RBFOX1: variants seen among roughly 807,000 people sequenced by gnomAD.
The protein encoded by RBFOX1 is RNA binding fox-1 homolog 1.
RBFOX1 carries 8 observed loss-of-function variants against 57.7 expected under a neutral mutation model. That is an observed-to-expected ratio of 0.14 (90% CI 0.08 to 0.25). RBFOX1 has a LOEUF of 0.25. Among genes scored for constraint, RBFOX1 ranks in the 10% least tolerant of loss-of-function variants. The pLI is 1.00. For missense variants in RBFOX1, 611 were observed against 548.5 expected (o/e 1.11, Z -1.14); for synonymous variants, 326 against 222.4 (o/e 1.47, Z -4.15).
chr16:5,553,660 T>C (rs1206927286), intron 2 of RBFOX1, among the ~76,000 whole-genome samples: 1 of 151,798 alleles, frequency 6.6e-6, no homozygotes, highest in Non-Finnish European at 1.5e-5. Context: ...AACCATCAGA[T>C]AGAATGTTCT....
At chr16:5,757,970 A>C (rs1187914480) in intron 3 of RBFOX1, among the ~76,000 whole-genome samples, 3 of 152,150 alleles carry the variant, frequency 2.0e-5, no homozygotes, top group Non-Finnish European at 4.4e-5. Flanking sequence ...GAAGTTCTGT[A>C]CTGGTCAGCC....
intron 1 of RBFOX1, among the ~76,000 whole-genome samples, chr16:6,070,369 T>A (rs953301963): frequency 2.0e-4 from 30 of 152,348 alleles, no homozygotes; most frequent in African/African-American, 7.2e-4. Context: ...GTGCCTGCAT[T>A]ATTTCATACA....
intron 3 of RBFOX1, among the ~76,000 whole-genome samples, chr16:6,829,059 G>C (rs1410888792): frequency 2.0e-5 from 3 of 152,084 alleles, no homozygotes; most frequent in East Asian, 1.9e-4. Context: ...CTGGACACCT[G>C]CCGGGATCAG....
chr16:7,710,216 C>T (rs1377656853), intron 15 of RBFOX1: 3 of 1,038,954 alleles, frequency 2.9e-6, no homozygotes, highest in African/African-American at 3.4e-5. Context: ...CATCCCAATT[C>T]TGCATTCAAC....
At chr16:5,878,364 A>G (rs945030106) in intron 4 of RBFOX1, among the ~76,000 whole-genome samples, 1 of 152,140 alleles carries the variant, frequency 6.6e-6, no homozygotes, top group Admixed American at 6.5e-5. Flanking sequence ...AACTTAGGAG[A>G]ATGAGTATTA....
chr16:7,496,098 T>A (rs2068553103), intron 4 of RBFOX1, among the ~76,000 whole-genome samples: 1 of 152,154 alleles, frequency 6.6e-6, no homozygotes, highest in African/African-American at 2.4e-5. Flanking sequence ...AGTGAGTCAG[T>A]GCACACATCC....
intron 2 of RBFOX1, among the ~76,000 whole-genome samples, chr16:6,602,117 T>G (rs1482775527): frequency 6.6e-6 from 1 of 152,192 alleles, no homozygotes; most frequent in Non-Finnish European, 1.5e-5. Context: ...TTGTCTGTCT[T>G]CTTTGGAGAA....
intron 3 of RBFOX1, among the ~76,000 whole-genome samples, chr16:6,866,711 T>C (rs914523098): frequency 1.3e-5 from 2 of 151,676 alleles, no homozygotes; most frequent in African/African-American, 4.8e-5. Context: ...CTGGCTGATT[T>C]TTTTGTATTT....
intron 3 of RBFOX1, among the ~76,000 whole-genome samples, chr16:6,699,680 A>T (rs960883207): frequency 6.6e-6 from 1 of 152,156 alleles, no homozygotes; most frequent in Non-Finnish European, 1.5e-5. Flanking sequence ...GATGATGGAC[A>T]AGGCATTGGG....
chr16:7,433,233 T>G (rs2098696243), intron 4 of RBFOX1, among the ~76,000 whole-genome samples: 1 of 152,194 alleles, frequency 6.6e-6, no homozygotes, highest in Non-Finnish European at 1.5e-5. Flanking sequence ...TTTTCTTGCC[T>G]CTTCTAGTAA....
chr16:7,192,532 G>C (rs1237201259), intron 4 of RBFOX1, among the ~76,000 whole-genome samples: 1 of 152,150 alleles, frequency 6.6e-6, no homozygotes, highest in Non-Finnish European at 1.5e-5. Flanking sequence ...AGCATCAACT[G>C]TGAGAAGACC....
intron 4 of RBFOX1, among the ~76,000 whole-genome samples, chr16:7,347,189 C>G (rs748932031): frequency 3.9e-5 from 6 of 152,130 alleles, no homozygotes; most frequent in Non-Finnish European, 8.8e-5. Context: ...CTGCTATCAT[C>G]CTACAATGCA....
chr16:6,285,018 G>A (rs541188300), intron 1 of RBFOX1, among the ~76,000 whole-genome samples: 143 of 152,286 alleles, frequency 9.4e-4, no homozygotes, highest in African/African-American at 3.2e-3. Context: ...AACATTCACA[G>A]TTAGCCAGTC....
intron 3 of RBFOX1, among the ~76,000 whole-genome samples, chr16:6,798,495 C>T (rs962853227): frequency 6.6e-6 from 1 of 152,176 alleles, no homozygotes; most frequent in East Asian, 1.9e-4. Flanking sequence ...TTGCCTAATT[C>T]TGAACCAGAC....
chr16:6,633,121 T>C (rs1803303072), intron 2 of RBFOX1, among the ~76,000 whole-genome samples: 2 of 152,216 alleles, frequency 1.3e-5, no homozygotes, highest in Admixed American at 1.3e-4. Context: ...TTGTGCCCAC[T>C]TCACAGATGC....
At chr16:5,750,206 T>A (rs1217164656) in intron 3 of RBFOX1, among the ~76,000 whole-genome samples, 1 of 152,190 alleles carries the variant, frequency 6.6e-6, no homozygotes, top group African/African-American at 2.4e-5. Context: ...CAAATGTTGC[T>A]GCCCGATCAT....
chr16:7,620,815 CAGT>C (rs1462992283), intron 10 of RBFOX1, among the ~76,000 whole-genome samples: 1 of 152,072 alleles, frequency 6.6e-6, no homozygotes, highest in Admixed American at 6.6e-5. Flanking sequence ...ACTTATAGTT[CAGT>C]TTTATTATAC....
At chr16:6,321,375 A>G (rs757851639) in intron 2 of RBFOX1, among the ~76,000 whole-genome samples, 1 of 152,152 alleles carries the variant, frequency 6.6e-6, no homozygotes, top group Non-Finnish European at 1.5e-5. Context: ...CTAGGCTGAT[A>G]CTTAGCTGTT....
chr16:7,240,708 C>T (rs765491221), intron 4 of RBFOX1, among the ~76,000 whole-genome samples: 34 of 152,036 alleles, frequency 2.2e-4, no homozygotes, highest in Non-Finnish European at 4.0e-4. Flanking sequence ...GCATTCACCA[C>T]CACACCTGGC....
Sources: allele counts gnomAD v4.1 joint callset (sites outside exome capture counted in the v4.1 genomes callset), GRCh38; gene constraint gnomAD v4.1.1; transcripts MANE v1.5; gene names NCBI Gene and HGNC (gene_info 2026-07-23, HGNC 2026-07-21).